The following CHD1L variants were observed in gnomAD, a reference collection of about 807,000 sequenced individuals.
CHD1L encodes the protein chromodomain helicase DNA binding protein 1 like.
CHD1L carries 118 observed loss-of-function variants against 115.9 expected under a neutral mutation model. The ratio of observed to expected loss-of-function variants is 1.02; its 90% CI spans 0.88 to 1.19. The LOEUF (loss-of-function observed/expected upper bound fraction) is 1.19. Ranked by LOEUF, CHD1L falls within the 50% of genes most tolerant of loss-of-function variation. The pLI, the probability that CHD1L is intolerant of heterozygous loss-of-function variation, is 0.00. For synonymous variants in CHD1L, 411 were observed against 387.1 expected, an observed-to-expected ratio of 1.06 and a Z score of -0.72; for missense variants, 1,179 against 1,065.3, an observed-to-expected ratio of 1.11 and a Z score of -1.49.
intron 2 of CHD1L, among the ~76,000 whole-genome samples, chr1:147,254,459 G>A (rs1553938487): frequency 6.6e-6 from 1 of 152,194 alleles, no homozygotes; most frequent in Non-Finnish European, 1.5e-5. Flanking sequence ...CTGGCAGGCA[G>A]CAGAGGGCCA....
the CHD1L span, chr1:147,223,979 A>G: frequency 2.4e-5 from 10 of 410,898 alleles, no homozygotes; most frequent in African/African-American, 2.1e-4. Flanking sequence ...GGTTAACACA[A>G]TCACCACCTT....
At chr1:147,184,983 T>C in the CHD1L span, among the ~76,000 whole-genome samples, 190 of 152,214 alleles carry the variant, frequency 1.2e-3, no homozygotes, top group African/African-American at 4.0e-3. The surrounding 1 kb of genome is among the most constrained non-coding windows in gnomAD (Gnocchi z 4.4). Flanking sequence ...AGAATATATA[T>C]ATATTTTTGT....
intron 6 of CHD1L, among the ~76,000 whole-genome samples, chr1:147,262,108 A>G (rs1672149187): frequency 6.6e-6 from 1 of 150,788 alleles, no homozygotes; most frequent in African/African-American, 2.4e-5. Flanking sequence ...AGGCAGGAGA[A>G]TGGCGTAAAC....
chr1:147,194,678 C>T, the CHD1L span, among the ~76,000 whole-genome samples: 1 of 152,094 alleles, frequency 6.6e-6, no homozygotes, highest in African/African-American at 2.4e-5. Context: ...GTGCTTCCTT[C>T]AGGAGCTCTT....
At chr1:147,281,094 C>A (rs1013630872) in intron 15 of CHD1L, among the ~76,000 whole-genome samples, 1 of 152,174 alleles carries the variant, frequency 6.6e-6, no homozygotes, top group South Asian at 2.1e-4. Context: ...ACAAACTTGT[C>A]AAAGGATGTC....
intron 8 of CHD1L, among the ~76,000 whole-genome samples, chr1:147,267,012 A>G (rs1234319893): frequency 6.6e-6 from 1 of 152,194 alleles, no homozygotes; most frequent in African/African-American, 2.4e-5. Flanking sequence ...CCCCATGGGT[A>G]AGGGGGAACT....
chr1:147,278,222 G>GTTTTTTTTTTTTTTTTTTTT (rs71083825), intron 14 of CHD1L, among the ~76,000 whole-genome samples: 2 of 91,130 alleles, frequency 2.2e-5, no homozygotes, highest in Non-Finnish European at 3.9e-5. Flanking sequence ...TGTTTTTTGG[G>GTTTTTTTTTTTTTTTTTTTT]TTTTTTTTTT....
chr1:147,190,175 A>G, the CHD1L span: 1 of 1,595,522 alleles, frequency 6.3e-7, no homozygotes, highest in South Asian at 1.1e-5. Context: ...AGAGTTTCTT[A>G]CCTTTTGTCA....
rs1676518764 is a variant in CHD1L at position 147,272,217 on chromosome 1, A to G, written c.1206A>G (p.Arg402=). ...ATGGTTCTGTGAGAGGAGAAGAGAG[A>G]CACTTGGCCATTAAGAACTTTGGAC... ...RVDGSVRGEE[R]HLAIKNFGQQ... The change falls in exon 12 of 23, where the codon AGA becomes AGG. Residue 402 remains arginine, a synonymous_variant. Coordinates refer to ENST00000369258, the MANE Select transcript of CHD1L (RefSeq NM_004284.6). The G allele has an allele frequency of 1.9e-6, 3 of 1,614,034 alleles. No homozygotes were observed. The African/African-American group carries it at 4.0e-5, about 22-fold the overall frequency.
At chr1:147,260,121 G>A in intron 6 of CHD1L, 2 of 426,410 alleles carry the variant, frequency 4.7e-6, no homozygotes, top group Non-Finnish European at 8.5e-6. Context: ...CACCAGAGTG[G>A]CACAGTTGTT....
In CHD1L at chr1:147,285,347, G is replaced by A; in HGVS notation, c.1878G>A (p.Glu626=). 6.2e-7 allele frequency: 1 copy of A among 1,613,684 alleles called. No homozygotes were observed. The highest frequency in any genetic ancestry group is 8.5e-7 in the Non-Finnish European group (1 of 1,179,842). ...KGSVLIPGLV[E]GSTKRKRVLS... is the part of the protein sequence containing the mutation. ...AGGTTCTCATCCCAGGCCTTGTGGA[G>A]GGATCTACCAAAAGGAAGCGGGTTC... Residue 626 remains glutamate (E), a synonymous_variant, in exon 17 of 23, where the codon GAG becomes GAA. Transcript: ENST00000369258.
At chr1:147,230,560 A>C in the CHD1L span, among the ~76,000 whole-genome samples, 3 of 92,392 alleles carry the variant, frequency 3.2e-5, 1 homozygote, top group Non-Finnish European at 5.6e-5. Flanking sequence ...GTTTCTATTG[A>C]TTGGAATAGT....
the CHD1L span, among the ~76,000 whole-genome samples, chr1:147,218,206 G>A: frequency 6.6e-6 from 1 of 151,348 alleles, no homozygotes; most frequent in Non-Finnish European, 1.5e-5. Context: ...CAAAATAGAT[G>A]AATGGTTTAG....
chr1:147,266,118 C>CTAAATGA (rs782605941), intron 8 of CHD1L, 31 bp downstream of exon 8: 3 of 1,580,350 alleles, frequency 1.9e-6, no homozygotes, highest in Non-Finnish European at 2.6e-6. Flanking sequence ...CATTTAGAAA[C>CTAAATGA]TAAATGAGGA....
chr1:147,215,929 T>C, the CHD1L span: 1 of 1,604,688 alleles, frequency 6.2e-7, no homozygotes, highest in South Asian at 1.1e-5. Context: ...GGCCCTTCCT[T>C]CTTCAGGATT....
upstream of CHD1L, chr1:147,242,509 G>A (rs184468614): frequency 2.3e-5 from 11 of 484,978 alleles, no homozygotes; most frequent in East Asian, 4.0e-4. Context: ...GCCCTTCCAC[G>A]CTCCGCACTG....
chr1:147,193,242 G>T, the CHD1L span, among the ~76,000 whole-genome samples: 1 of 152,094 alleles, frequency 6.6e-6, no homozygotes, highest in African/African-American at 2.4e-5. Context: ...TCTTGGGAGG[G>T]TGTATGTGTT....
chr1:147,290,179 C>T (rs782257196), intron 19 of CHD1L, among the ~76,000 whole-genome samples: 1 of 152,106 alleles, frequency 6.6e-6, no homozygotes, highest in Non-Finnish European at 1.5e-5. Flanking sequence ...ACCTCCCAGG[C>T]TCAGGAAATC....
rs184369648 is a variant in CHD1L, at chr1:147,249,881, C to T, written c.128-2742C>T. Among the ~76,000 whole-genome samples the T allele has an allele frequency of 2.7e-3, 417 of 152,096 alleles. 4 individuals are homozygous for T. Among genetic ancestry groups the T allele is most frequent in the Middle Eastern group, 6.8e-3 (2 of 294 alleles). On this transcript the variant is annotated intron_variant, in intron 1 of 22. Transcript: ENST00000369258. The stretch of plus-strand genomic sequence containing the variant: ...TCTTTTGTGGTAGTCCTGAAGGTCC[C>T]GGAGGGTCATTTGTTTTCAGTCTGC...
Sources: gnomAD v4.1 joint callset for allele counts (sites outside exome capture counted in the v4.1 genomes callset) on GRCh38, gnomAD v4.1.1 for gene constraint, Gnocchi (gnomAD v3.1) non-coding constraint, MANE v1.5 for transcripts, NCBI Gene and HGNC (gene_info 2026-07-23, HGNC 2026-07-21) for gene names.